HGSNAT: variants seen among roughly 807,000 people sequenced by gnomAD.
HGSNAT encodes the protein transmembrane protein 76.
A neutral mutation model predicts 85.2 loss-of-function variants in HGSNAT; 59 were observed. That is an observed-to-expected ratio of 0.69 (90% CI 0.56 to 0.86). The LOEUF (loss-of-function observed/expected upper bound fraction) is 0.86. HGSNAT is among the 40% of genes least tolerant of loss of function. The pLI, the probability that HGSNAT is intolerant of heterozygous loss-of-function variation, is 0.00. For missense variants in HGSNAT, 756 were observed against 777.1 expected, an observed-to-expected ratio of 0.97 and a Z score of 0.32; for synonymous variants, 321 against 304.5, an observed-to-expected ratio of 1.05 and a Z score of -0.56.
At chr8:43,169,886 T>A (rs1803558223) in intron 6 of HGSNAT, among the ~76,000 whole-genome samples, 1 of 152,102 alleles carries the variant, frequency 6.6e-6, no homozygotes. Flanking sequence ...AGTGGCGTGG[T>A]CTCAACTCGC....
At chr8:43,177,602 G>A (rs1266174123) in intron 9 of HGSNAT, among the ~76,000 whole-genome samples, 1 of 151,066 alleles carries the variant, frequency 6.6e-6, no homozygotes, top group Non-Finnish European at 1.5e-5. Flanking sequence ...ATTTAGTATG[G>A]TCAAAGAAAA....
intron 2 of HGSNAT, among the ~76,000 whole-genome samples, chr8:43,152,026 T>G (rs2130696299): frequency 6.6e-6 from 1 of 152,328 alleles, no homozygotes; most frequent in South Asian, 2.1e-4. Flanking sequence ...CAGTGGTTCA[T>G]ACGTCTAATC....
intron 11 of HGSNAT, among the ~76,000 whole-genome samples, chr8:43,190,839 CA>C (rs1236803826): frequency 2.0e-5 from 3 of 152,276 alleles, no homozygotes; most frequent in African/African-American, 7.2e-5. Flanking sequence ...GTGCAGCTGT[CA>C]CCAGTCTGTA....
intron 17 of HGSNAT, 32 bp downstream of exon 17, chr8:43,197,984 G>A: frequency 6.6e-7 from 1 of 1,505,090 alleles, no homozygotes; most frequent in Non-Finnish European, 9.2e-7. Context: ...ACAGAGCTGG[G>A]ATGGTGACCA....
At chr8:43,189,897 G>A (rs1003383755) in intron 11 of HGSNAT, among the ~76,000 whole-genome samples, 1 of 152,208 alleles carries the variant, frequency 6.6e-6, no homozygotes, top group Admixed American at 6.5e-5. Flanking sequence ...CTGGCCGCCT[G>A]ACCCCATTCT....
chr8:43,148,122 A>G (rs1802773747), intron 2 of HGSNAT, among the ~76,000 whole-genome samples: 1 of 151,768 alleles, frequency 6.6e-6, no homozygotes, highest in Non-Finnish European at 1.5e-5. Flanking sequence ...ATGACTTGTA[A>G]TCCCAGCTAC....
At chr8:43,185,997 C>T (rs1428129876) in intron 11 of HGSNAT, among the ~76,000 whole-genome samples, 1 of 152,154 alleles carries the variant, frequency 6.6e-6, no homozygotes, top group Non-Finnish European at 1.5e-5. Context: ...CCGACTTGAT[C>T]ATGGTGGATA....
chr8:43,197,623 T>C, intron 15 of HGSNAT, 49 bp from the exon 16 acceptor site: 1 of 1,383,148 alleles, frequency 7.2e-7, no homozygotes, highest in Non-Finnish European at 1.0e-6. Context: ...CCAAGTGTTT[T>C]CTGAGATAAT....
intron 14 of HGSNAT, chr8:43,194,352 T>C: frequency 2.1e-6 from 2 of 965,598 alleles, no homozygotes; most frequent in Non-Finnish European, 2.5e-6. Flanking sequence ...GAGCCTTGAT[T>C]GCACCACTGC....
Position 43,170,669 on chromosome 8 carries a change from C to T in HGSNAT, c.718C>T (p.Leu240Phe). The change falls in exon 7 of 18, where the codon CTC (leucine) becomes TTC (phenylalanine). Residue 240 changes from leucine (L) to phenylalanine (F), a missense_variant. Leu to Phe is a conservative substitution (Grantham distance 22). Coordinates refer to ENST00000379644, the MANE Select transcript of HGSNAT (RefSeq NM_152419.3). ...TWRLSALPPR[L>F]RSVDTFRGIA... ...GCGTCTATCTGCCCTGCCGCCCCGC[C>T]TCCGCAGCGTGGACACCTTCAGGGG... 1 of 1,605,524 alleles carries T rather than the reference C, an allele frequency of 6.2e-7. No individual in the cohort carries two copies. Among genetic ancestry groups the T allele is most frequent in the Middle Eastern group, 1.7e-4 (1 of 6,048 alleles).
At chr8:43,192,069 C>T (rs1284474386) in intron 12 of HGSNAT, among the ~76,000 whole-genome samples, 1 of 152,134 alleles carries the variant, frequency 6.6e-6, no homozygotes, top group Non-Finnish European at 1.5e-5. Flanking sequence ...GCTGGGATTA[C>T]AGGCGCACAC....
intron 5 of HGSNAT, among the ~76,000 whole-genome samples, chr8:43,163,051 G>A (rs1407514659): frequency 6.6e-6 from 1 of 152,090 alleles, no homozygotes; most frequent in African/African-American, 2.4e-5. Context: ...TAAGTGTGAT[G>A]GTGGGTGCCT....
intron 11 of HGSNAT, 146 bp downstream of exon 11, chr8:43,182,406 G>A (rs185617587): frequency 9.2e-4 from 674 of 735,488 alleles, no homozygotes; most frequent in Admixed American, 1.7e-3. Flanking sequence ...CCAAAGCGCC[G>A]GGATTACAGG....
rs1803170551 is a variant in HGSNAT at position 43,158,669 on chromosome 8, T to C, written c.329T>C (p.Ile110Thr). Residue 110 changes from isoleucine (I) to threonine (T), a missense_variant, in exon 3 of 18, where the codon ATC becomes ACC. Coordinates refer to ENST00000379644, the MANE Select transcript of HGSNAT (RefSeq NM_152419.3). Reference protein sequence around the residue: ...AASVSTQHGSILQLNDTLEEK... With the variant: ...AASVSTQHGSTLQLNDTLEEK... ...TCTGTCAGCACCCAGCACGGATCTATCCTGCAGCTGAACGACACCTTGGAA... is the reference window on the plus strand; with the variant it reads ...TCTGTCAGCACCCAGCACGGATCTACCCTGCAGCTGAACGACACCTTGGAA... The C allele has an allele frequency of 6.2e-7, 1 of 1,613,044 alleles. No individual in the cohort carries two copies.
chr8:43,197,120 G>A, intron 15 of HGSNAT, 95 bp downstream of exon 15: 1 of 798,990 alleles, frequency 1.3e-6, no homozygotes, highest in Non-Finnish European at 2.2e-6. Context: ...GCTAGCCATT[G>A]TCACCACATG....
chr8:43,171,094 G>A (rs906671801), intron 7 of HGSNAT, among the ~76,000 whole-genome samples: 3 of 152,206 alleles, frequency 2.0e-5, no homozygotes, highest in Non-Finnish European at 2.9e-5. Context: ...CTGATCCTGC[G>A]CTGCTAGCAG....
intron 9 of HGSNAT, chr8:43,174,365 T>C (rs1014564454): frequency 1.3e-5 from 2 of 152,222 alleles, no homozygotes; most frequent in African/African-American, 4.8e-5. Flanking sequence ...ACTTATAAAA[T>C]CCTATTTCCT....
At chr8:43,182,547 G>T in intron 11 of HGSNAT, 1 of 420,460 alleles carries the variant, frequency 2.4e-6, no homozygotes, top group Non-Finnish European at 4.5e-6. Flanking sequence ...AGGCTTAAGC[G>T]ATCCTCCCTC....
chr8:43,143,836 G>A (rs1003903212), intron 1 of HGSNAT, among the ~76,000 whole-genome samples: 1 of 151,614 alleles, frequency 6.6e-6, no homozygotes, highest in African/African-American at 2.4e-5. Flanking sequence ...GTGAGCCACC[G>A]TGCCTGGCCC....
Sources: allele counts gnomAD v4.1 joint callset (sites outside exome capture counted in the v4.1 genomes callset), GRCh38; gene constraint gnomAD v4.1.1; transcripts MANE v1.5; gene names NCBI Gene and HGNC (gene_info 2026-07-23, HGNC 2026-07-21).